The following LRRIQ1 variants were observed in gnomAD, a reference collection of about 807,000 sequenced individuals.
LRRIQ1 encodes leucine-rich repeat- and IQ domain-containing protein 1.
Under a neutral mutation model 211.9 loss-of-function variants are expected in LRRIQ1, and 210 were observed. That is an observed-to-expected ratio of 0.99 (90% CI 0.89 to 1.11). The LOEUF (loss-of-function observed/expected upper bound fraction) is 1.11, where lower values mean the gene tolerates loss of function less well. Ranked by LOEUF, LRRIQ1 falls within the 50% of genes most tolerant of loss-of-function variation. The pLI, the probability that LRRIQ1 is intolerant of heterozygous loss-of-function variation, is 0.00. For synonymous variants in LRRIQ1, 699 were observed against 650.1 expected (o/e 1.08, Z -1.14); for missense variants, 2,136 against 1,939.5 (o/e 1.10, Z -1.90).
At chr12:85,075,763 A>G (rs899943878) in intron 11 of LRRIQ1, among the ~76,000 whole-genome samples, 5 of 151,942 alleles carry the variant, frequency 3.3e-5, no homozygotes, top group African/African-American at 4.8e-5. Flanking sequence ...GCTACTCGGG[A>G]GGCTGAGTTG....
At chr12:85,120,339 G>A (rs139821824) in intron 15 of LRRIQ1, among the ~76,000 whole-genome samples, 2,058 of 152,156 alleles carry the variant, frequency 0.014, 43 homozygotes, top group African/African-American at 0.045. Context: ...AGATCAGTTC[G>A]CTATATTTGT....
At chr12:85,268,597 A>G (rs1434286422), downstream of LRRIQ1, among the ~76,000 whole-genome samples, 1 of 151,958 alleles carries the variant, frequency 6.6e-6, no homozygotes, top group Non-Finnish European at 1.5e-5. Flanking sequence ...AGCCCCTTAA[A>G]TTATATGTCC....
In LRRIQ1 at chr12:85,153,135, T is replaced by C; in HGVS notation, c.4531T>C (p.Phe1511Leu). 2.5e-6 allele frequency: 4 copies of C among 1,585,524 alleles called. No homozygotes were observed. The highest frequency in any genetic ancestry group is 2.6e-6 in the Non-Finnish European group (3 of 1,166,808). The change falls in exon 21 of 27, where the codon TTT (phenylalanine) becomes CTT (leucine). Residue 1511 changes from phenylalanine to leucine, a missense_variant. Physicochemically the swap from Phe to Leu is conservative, Grantham distance 22. Coordinates refer to ENST00000393217, the MANE Select transcript of LRRIQ1 (RefSeq NM_001079910.2). ...ENLSSSEHTQFNSRSENKTSS... is the reference protein window; with the variant it reads ...ENLSSSEHTQLNSRSENKTSS... ...TTTGTCTTCTTCAGAACACACACAA[T>C]TTAATAGCAGGTAAGCTAAACTATT...
chr12:85,115,113 T>C (rs1887480747), intron 15 of LRRIQ1, among the ~76,000 whole-genome samples: 1 of 152,212 alleles, frequency 6.6e-6, no homozygotes, highest in Non-Finnish European at 1.5e-5. Flanking sequence ...TCTTAAGTGG[T>C]GGAATATTCA....
chr12:85,089,578 A>C (rs1011048843), intron 11 of LRRIQ1, among the ~76,000 whole-genome samples: 1 of 152,208 alleles, frequency 6.6e-6, no homozygotes, highest in African/African-American at 2.4e-5. Flanking sequence ...GTGAGGCTGC[A>C]TTGTATTCAT....
At chr12:85,180,969 T>G (rs1891953022) in intron 24 of LRRIQ1, among the ~76,000 whole-genome samples, 1 of 151,882 alleles carries the variant, frequency 6.6e-6, no homozygotes, top group Admixed American at 6.6e-5. Flanking sequence ...ACGATGTAGA[T>G]TCTGATAAAT....
At chr12:85,038,838 G>A (rs1878506926) in intron 2 of LRRIQ1, among the ~76,000 whole-genome samples, 2 of 151,228 alleles carry the variant, frequency 1.3e-5, no homozygotes, top group South Asian at 4.2e-4. Context: ...TTTATCATAT[G>A]TCTTACTGAT....
intron 8 of LRRIQ1, among the ~76,000 whole-genome samples, chr12:85,060,541 G>A (rs1881669288): frequency 1.3e-5 from 2 of 151,832 alleles, no homozygotes; most frequent in African/African-American, 4.8e-5. Flanking sequence ...AGATCAAGAA[G>A]TCTCACTTCT....
chr12:85,262,138 A>G (rs1896318877), intron 1 of LRRIQ1, among the ~76,000 whole-genome samples: 2 of 152,146 alleles, frequency 1.3e-5, no homozygotes, highest in African/African-American at 4.8e-5. Context: ...CTTACTGAGT[A>G]AACATTCTGA....
At chr12:85,069,600 T>C (rs9669801) in intron 10 of LRRIQ1, among the ~76,000 whole-genome samples, 68,614 of 150,828 alleles carry the variant, frequency 0.45, 16,019 homozygotes, top group Middle Eastern at 0.56. Context: ...TCTCCAGCAC[T>C]TGTTGTTTCC....
intron 24 of LRRIQ1, among the ~76,000 whole-genome samples, chr12:85,181,380 T>A (rs1406500550): frequency 6.6e-6 from 1 of 151,822 alleles, no homozygotes; most frequent in Non-Finnish European, 1.5e-5. Context: ...GAGTCTAGGA[T>A]CTAATTTTTA....
chr12:85,042,447 T>TAAATTAAATAATTTAA (rs1879004111), intron 3 of LRRIQ1, among the ~76,000 whole-genome samples: 1 of 148,228 alleles, frequency 6.7e-6, no homozygotes, highest in Non-Finnish European at 1.5e-5. Flanking sequence ...TTTTAATTTA[T>TAAATTAAATAATTTAA]TAAATTAAAA....
chr12:85,084,892 C>G (rs1884656234), intron 11 of LRRIQ1, among the ~76,000 whole-genome samples: 1 of 150,968 alleles, frequency 6.6e-6, no homozygotes, highest in Non-Finnish European at 1.5e-5. Flanking sequence ...CGCCACTGCA[C>G]TCCAGCCTGG....
At chr12:85,249,187 C>G (rs1895826989), downstream of LRRIQ1, among the ~76,000 whole-genome samples, 1 of 151,522 alleles carries the variant, frequency 6.6e-6, no homozygotes, top group South Asian at 2.1e-4. Context: ...GAGTTCATGC[C>G]TAATATTGTT....
At chr12:85,233,450 C>G (rs2137207863) in intron 26 of LRRIQ1, among the ~76,000 whole-genome samples, 1 of 152,152 alleles carries the variant, frequency 6.6e-6, no homozygotes, top group East Asian at 1.9e-4. Context: ...ATGGATGCAT[C>G]AGGTGACCCT....
At position 85,125,915 on chromosome 12, in the gene LRRIQ1, C is replaced by T. The variant is rs58479864; in HGVS notation, c.4007+1396C>T. ...ATAAACTAAAGACCCAAAGAATAAA[C>T]GGGAAAGAAAATGTATACCCGTTGC... On this transcript the variant is annotated intron_variant, in intron 17 of 26. Coordinates refer to ENST00000393217, the MANE Select transcript of LRRIQ1 (RefSeq NM_001079910.2). 1.8e-3 allele frequency among the ~76,000 whole-genome samples: 270 copies of T among 152,138 alleles called. 2 individuals carry two copies. The highest frequency in any genetic ancestry group is 5.3e-3 in the African/African-American group (220 of 41,526).
intron 10 of LRRIQ1, among the ~76,000 whole-genome samples, chr12:85,071,950 C>T (rs1235860855): frequency 6.6e-6 from 1 of 152,030 alleles, no homozygotes; most frequent in African/African-American, 2.4e-5. Flanking sequence ...ACAACCAAAC[C>T]ATATCATTGC....
downstream of LRRIQ1, among the ~76,000 whole-genome samples, chr12:85,248,379 CTTAG>C (rs1368703470): frequency 1.3e-5 from 2 of 151,502 alleles, no homozygotes; most frequent in Admixed American, 6.6e-5. Context: ...AAACATATAG[CTTAG>C]TTAGTAAAAT....
intron 24 of LRRIQ1, among the ~76,000 whole-genome samples, chr12:85,217,484 A>ATG (rs1296583594): frequency 2.5e-5 from 2 of 79,296 alleles, no homozygotes; most frequent in Non-Finnish European, 4.3e-5. Flanking sequence ...ATATATATAT[A>ATG]TATATATGTA....
Sources: gnomAD v4.1 joint callset for allele counts (sites outside exome capture counted in the v4.1 genomes callset) on GRCh38, gnomAD v4.1.1 for gene constraint, MANE v1.5 for transcripts, NCBI Gene and HGNC (gene_info 2026-07-23, HGNC 2026-07-21) for gene names.